The following PDE1C variants were observed in gnomAD, a reference collection of about 807,000 sequenced individuals.
The protein encoded by PDE1C is phosphodiesterase 1C.
Under a neutral mutation model 93.1 loss-of-function variants are expected in PDE1C, and 62 were observed. The ratio of observed to expected loss-of-function variants is 0.67; its 90% CI spans 0.54 to 0.82. PDE1C has a LOEUF of 0.82. PDE1C is among the 40% of genes least tolerant of loss of function. The pLI, the probability that PDE1C is intolerant of heterozygous loss-of-function variation, is 0.00. For synonymous variants in PDE1C, 325 were observed against 310.1 expected, an observed-to-expected ratio of 1.05 and a Z score of -0.50; for missense variants, 742 against 884.6, an observed-to-expected ratio of 0.84 and a Z score of 2.04.
At chr7:31,619,642 A>C in the PDE1C span, among the ~76,000 whole-genome samples, 12 of 152,250 alleles carry the variant, frequency 7.9e-5, no homozygotes, top group East Asian at 2.0e-4. Context: ...ATGGCCGAAT[A>C]GGAACAGCTC....
At chr7:31,718,765 G>C in the PDE1C span, among the ~76,000 whole-genome samples, 1 of 152,166 alleles carries the variant, frequency 6.6e-6, no homozygotes, top group Admixed American at 6.5e-5. Flanking sequence ...CTGGCAGCTG[G>C]ACAAGGGTGA....
At chr7:31,648,417 T>G in the PDE1C span, among the ~76,000 whole-genome samples, 2 of 152,212 alleles carry the variant, frequency 1.3e-5, no homozygotes, top group African/African-American at 4.8e-5. Flanking sequence ...ACAGTTTTCT[T>G]TATTATGAAA....
the PDE1C span, among the ~76,000 whole-genome samples, chr7:31,682,415 CT>C: frequency 1.3e-5 from 2 of 152,112 alleles, no homozygotes; most frequent in African/African-American, 2.4e-5. Context: ...AAATTAAGAA[CT>C]TGGTGAGATA....
intron 2 of PDE1C, among the ~76,000 whole-genome samples, chr7:32,033,472 G>A (rs1200941948): frequency 6.6e-6 from 1 of 151,524 alleles, no homozygotes; most frequent in South Asian, 2.1e-4. Flanking sequence ...CAGTACCTTG[G>A]CAAAAAAACA....
At chr7:32,036,838 A>G (rs570505566) in intron 2 of PDE1C, among the ~76,000 whole-genome samples, 48 of 152,206 alleles carry the variant, frequency 3.2e-4, no homozygotes, top group Non-Finnish European at 6.3e-4. Flanking sequence ...CATCAGCAAC[A>G]CCTGCAAACT....
the PDE1C span, among the ~76,000 whole-genome samples, chr7:31,724,533 G>A: frequency 1.3e-5 from 2 of 152,146 alleles, no homozygotes; most frequent in Non-Finnish European, 2.9e-5. Context: ...ACCTTATGGG[G>A]GAAGGGCATT....
At chr7:32,347,260 G>C (rs940729216) in intron 1 of PDE1C, among the ~76,000 whole-genome samples, 2 of 152,196 alleles carry the variant, frequency 1.3e-5, no homozygotes, top group African/African-American at 4.8e-5. Flanking sequence ...GCCACCTTCT[G>C]CTGAGGTACT....
At chr7:32,353,553 TTTG>T (rs200731143) in intron 1 of PDE1C, among the ~76,000 whole-genome samples, 8,683 of 50,784 alleles carry the variant, frequency 0.17, 1,221 homozygotes, top group East Asian at 0.52. Flanking sequence ...GCCTGTAGTT[TTTG>T]TTTTTTTTTT....
chr7:31,792,395 G>A (rs536288836), intron 16 of PDE1C, among the ~76,000 whole-genome samples: 1 of 152,036 alleles, frequency 6.6e-6, no homozygotes, highest in South Asian at 2.1e-4. Context: ...GAGGAGGATG[G>A]GACTGATAAG....
At chr7:31,954,750 T>C (rs1353058505) in intron 2 of PDE1C, among the ~76,000 whole-genome samples, 1 of 152,192 alleles carries the variant, frequency 6.6e-6, no homozygotes, top group African/African-American at 2.4e-5. Context: ...AGAATAGCAG[T>C]AGAGGCTGTC....
At chr7:32,292,287 C>G (rs1385719506) in intron 1 of PDE1C, among the ~76,000 whole-genome samples, 1 of 152,010 alleles carries the variant, frequency 6.6e-6, no homozygotes, top group Non-Finnish European at 1.5e-5. Flanking sequence ...GGTAAGAACA[C>G]TTAACATGAG....
intron 3 of PDE1C, among the ~76,000 whole-genome samples, chr7:32,124,922 GA>G (rs1387939531): frequency 6.6e-6 from 1 of 152,166 alleles, no homozygotes; most frequent in East Asian, 1.9e-4. Context: ...ACTATCATTA[GA>G]GTAAACAGGC....
chr7:31,922,258 C>T (rs1344894482), intron 2 of PDE1C, among the ~76,000 whole-genome samples: 2 of 152,084 alleles, frequency 1.3e-5, no homozygotes, highest in African/African-American at 4.8e-5. Context: ...TCAGGAAATA[C>T]TTTGGAAACA....
intron 2 of PDE1C, among the ~76,000 whole-genome samples, chr7:31,970,168 A>G (rs1810731308): frequency 6.6e-6 from 1 of 152,206 alleles, no homozygotes; most frequent in African/African-American, 2.4e-5. Flanking sequence ...TTAAAAAAGA[A>G]AAAAGTGTCT....
rs538241518 is a variant in PDE1C at position 32,338,774 on chromosome 7, T to C, written c.310+89048A>G. On this transcript the variant is annotated intron_variant, in intron 1 of 1. Coordinates refer to the PDE1C transcript ENST00000672256. Reference sequence around the variant, plus strand: ...ATCCCAGCACTTTGGGAGGCCGAGGTGGGCGGATCACGAGGTCAGGAGATC... The same window carrying C: ...ATCCCAGCACTTTGGGAGGCCGAGGCGGGCGGATCACGAGGTCAGGAGATC... 1.0e-3 allele frequency among the ~76,000 whole-genome samples: 153 copies of C among 152,088 alleles called. 1 individual carries two copies. The highest frequency in any genetic ancestry group is 1.8e-3 in the Non-Finnish European group (122 of 67,976).
At chr7:32,384,576 G>A (rs1784591434) in intron 1 of PDE1C, among the ~76,000 whole-genome samples, 1 of 152,146 alleles carries the variant, frequency 6.6e-6, no homozygotes, top group Non-Finnish European at 1.5e-5. Flanking sequence ...TGAGAGAACT[G>A]AGAGCAGTTC....
the PDE1C span, among the ~76,000 whole-genome samples, chr7:31,736,778 G>T: frequency 0.023 from 3,506 of 152,298 alleles, 57 homozygotes; most frequent in Non-Finnish European, 0.035. Context: ...AAGGAGACAT[G>T]ATATTCCAAA....
chr7:32,075,931 T>C (rs981530349), upstream of PDE1C, among the ~76,000 whole-genome samples: 1 of 152,114 alleles, frequency 6.6e-6, no homozygotes, highest in Non-Finnish European at 1.5e-5. Context: ...AAGACCCTTC[T>C]CTTGTTTGGC....
At chr7:32,113,433 T>C (rs1798796482) in intron 3 of PDE1C, among the ~76,000 whole-genome samples, 1 of 150,862 alleles carries the variant, frequency 6.6e-6, no homozygotes, top group South Asian at 2.1e-4. Context: ...CTTTATAATA[T>C]ATTTTTCTAA....
Sources: gnomAD v4.1 joint callset for allele counts (sites outside exome capture counted in the v4.1 genomes callset) on GRCh38, gnomAD v4.1.1 for gene constraint, MANE v1.5 for transcripts, NCBI Gene and HGNC (gene_info 2026-07-23, HGNC 2026-07-21) for gene names.